Variants in PCDHGC3 observed in about 807,000 individuals in gnomAD.
The protein encoded by PCDHGC3 is protocadherin gamma-C3.
A neutral mutation model predicts 59.2 loss-of-function variants in PCDHGC3; 26 were observed. That is an observed-to-expected ratio of 0.44 (90% confidence interval 0.32 to 0.61). The LOEUF (loss-of-function observed/expected upper bound fraction) is 0.61. PCDHGC3 is among the 20% of genes least tolerant of loss of function. The pLI is 0.05. For missense variants in PCDHGC3, 1,080 were observed against 1,221.8 expected (o/e 0.88, Z 1.73); for synonymous variants, 487 against 519.7 (o/e 0.94, Z 0.86).
At chr5:141,507,557 C>T (rs959957585) in intron 3 of PCDHGC3, among the ~76,000 whole-genome samples, 5 of 152,250 alleles carry the variant, frequency 3.3e-5, no homozygotes, top group Middle Eastern at 3.4e-3. Flanking sequence ...AAGTGGCAGG[C>T]GGCTGGGTCT....
In PCDHGC3 at chr5:141,487,579, A is replaced by G. The variant is rs779441421; in HGVS notation, c.2431-7228A>G. 60 of 1,614,022 alleles carry G rather than the reference A, an allele frequency of 3.7e-5. No homozygotes were observed. The South Asian group carries it at 6.0e-4, about 16-fold the overall frequency. The stretch of plus-strand genomic sequence containing the variant: ...CTATGGCAGGGGAGCCTGTTCGCCC[A>G]AGCTGCCCACCCTCTGATCTTCTCT... On this transcript the variant is annotated intron_variant, in intron 1 of 3. Transcript: ENST00000308177. This position sits in a 1 kb window ranked among gnomAD's most constrained non-coding sequence, Gnocchi z 5.0.
Position 141,489,600 on chromosome 5 carries a change from G to A in PCDHGC3, c.2431-5207G>A, listed in dbSNP as rs1407225048. 8.1e-6 allele frequency: 13 copies of A among 1,614,034 alleles called. No homozygotes were observed. Among genetic ancestry groups the A allele is most frequent in the Non-Finnish European group, 1.1e-5 (13 of 1,179,962 alleles). ...ACCCCCTGGAGCTAATCCGTGTAGA[G>A]GTAGAGATCCTGGATCTCAATGACA... On this transcript the variant is annotated intron_variant, in intron 1 of 3. Transcript: ENST00000308177. This position sits in a 1 kb window ranked among gnomAD's most constrained non-coding sequence, Gnocchi z 4.5.
Position 141,476,793 on chromosome 5 carries a change from C to T in PCDHGC3, c.677C>T (p.Ala226Val), listed in dbSNP as rs754785656. ...GACGGAGGGACCCCAGCTCTCTCCG[C>T]CAGCCTGCCTATTCACATCAAGGTG... ...ALDGGTPALSASLPIHIKVLD... is the reference protein window; with the variant it reads ...ALDGGTPALSVSLPIHIKVLD... Residue 226 changes from alanine (A) to valine (V), a missense_variant, in exon 1 of 4, where the codon GCC becomes GTC. Transcript: ENST00000308177. The surrounding 1 kb of genome is among the most constrained non-coding windows in gnomAD (Gnocchi z 7.6). 1.2e-6 allele frequency: 2 copies of T among 1,613,642 alleles called. No homozygotes were observed. The highest frequency in any genetic ancestry group is 2.2e-5 in the East Asian group (1 of 44,868).
intron 2 of PCDHGC3, among the ~76,000 whole-genome samples, chr5:141,497,543 T>C (rs896069181): frequency 4.7e-5 from 7 of 149,068 alleles, no homozygotes; most frequent in Non-Finnish European, 9.0e-5. Context: ...AACAAACCTT[T>C]TTTTTTTTTT....
At chr5:141,506,649 T>C (rs1487823663) in intron 3 of PCDHGC3, among the ~76,000 whole-genome samples, 1 of 152,114 alleles carries the variant, frequency 6.6e-6, no homozygotes, top group Admixed American at 6.6e-5. Context: ...CAGCACAGGA[T>C]TGGCAGAGAG....
chr5:141,502,679 T>C (rs943238781), intron 2 of PCDHGC3, among the ~76,000 whole-genome samples: 1 of 152,236 alleles, frequency 6.6e-6, no homozygotes, highest in Non-Finnish European at 1.5e-5. Flanking sequence ...TAGTATTCCC[T>C]GATGATCCTT....
rs1256615029 is a variant in PCDHGC3 at position 141,512,740 on chromosome 5, C to T, written c.*1567C>T. ...GCGGGTGGGCAGCGGGCGGCGGGCT[C>T]CGCGCAGCCGTCTGTCCTTGATCTG... On this transcript the variant is annotated 3_prime_UTR_variant, in exon 4 of 4. Transcript: ENST00000308177. 1 of 152,788 alleles carries T rather than the reference C, an allele frequency of 6.5e-6. No individual in the cohort carries two copies. The highest frequency in any genetic ancestry group is 1.5e-5 in the Non-Finnish European group (1 of 68,570). The allele number at this position is 152,788 out of a possible 1,614,324, so 9.5% of individuals were successfully genotyped here.
At chr5:141,504,452 T>C (rs1208972630) in intron 2 of PCDHGC3, among the ~76,000 whole-genome samples, 1 of 152,060 alleles carries the variant, frequency 6.6e-6, no homozygotes, top group Non-Finnish European at 1.5e-5. Flanking sequence ...TAGTGCCATG[T>C]GGGGCAGCCG....
chr5:141,484,697 T>C (rs746981788), intron 1 of PCDHGC3, among the ~76,000 whole-genome samples: 11 of 151,988 alleles, frequency 7.2e-5, no homozygotes, highest in Non-Finnish European at 1.3e-4. Context: ...AGGCTGTGGC[T>C]GTTTTCCCCG....
At chr5:141,501,290 TACACACACACACACACACACACACAC>T (rs55762287) in intron 2 of PCDHGC3, among the ~76,000 whole-genome samples, 1 of 136,164 alleles carries the variant, frequency 7.3e-6, no homozygotes, top group Non-Finnish European at 1.6e-5. Flanking sequence ...TATTCCCTTA[TACACACACACACACACACACACACAC>T]ACACACACAC....
At position 141,489,786 on chromosome 5, in the gene PCDHGC3, G is replaced by A. The variant is rs758119518; in HGVS notation, c.2431-5021G>A. 8.7e-6 allele frequency: 14 copies of A among 1,614,194 alleles called. No individual in the cohort carries two copies. Among genetic ancestry groups the A allele is most frequent in the Non-Finnish European group, 1.2e-5 (14 of 1,180,014 alleles). ...CCAACAGCCACTTCTCTCTGAATGTGAAGACCCTAAAAGATGGGAAGCCAT... is the reference window on the plus strand; with the variant it reads ...CCAACAGCCACTTCTCTCTGAATGTAAAGACCCTAAAAGATGGGAAGCCAT... On this transcript the variant is annotated intron_variant, in intron 1 of 3. Transcript: ENST00000308177. This position sits in a 1 kb window ranked among gnomAD's most constrained non-coding sequence, Gnocchi z 4.5.
chr5:141,481,096 T>C (rs1162625304), intron 1 of PCDHGC3, among the ~76,000 whole-genome samples: 2 of 152,150 alleles, frequency 1.3e-5, no homozygotes, highest in East Asian at 1.9e-4. Flanking sequence ...AAAGCAGTAC[T>C]CTGGAACCTA....
Position 141,478,565 on chromosome 5 carries a change from T to C in PCDHGC3, c.2430+19T>C, listed in dbSNP as rs772519746. 1.6e-5 allele frequency: 25 copies of C among 1,593,862 alleles called. No individual in the cohort carries two copies. Among genetic ancestry groups the C allele is most frequent in the Non-Finnish European group, 2.0e-5 (23 of 1,169,576 alleles). On this transcript the variant is annotated intron_variant, in intron 1 of 3. Coordinates refer to ENST00000308177, the MANE Select transcript of PCDHGC3 (RefSeq NM_002588.4). ...CGGACAGGTAAGGTTTAGCAAGTCA[T>C]GCTTGACCCTGTTAGTGCTTTTTTA...
chr5:141,478,718 C>T, intron 1 of PCDHGC3, 172 bp downstream of exon 1: 1 of 1,544,994 alleles, frequency 6.5e-7, no homozygotes, highest in East Asian at 2.4e-5. Context: ...AGATGGTGGC[C>T]TGCCAGAGTG....
chr5:141,504,077 G>A (rs939470644), intron 2 of PCDHGC3, among the ~76,000 whole-genome samples: 3 of 152,124 alleles, frequency 2.0e-5, no homozygotes, highest in Non-Finnish European at 2.9e-5. Context: ...GCCAGATGGT[G>A]CCAAACAGTT....
At chr5:141,509,777 G>A (rs1244876699) in intron 3 of PCDHGC3, among the ~76,000 whole-genome samples, 1 of 152,100 alleles carries the variant, frequency 6.6e-6, no homozygotes, top group Non-Finnish European at 1.5e-5. Flanking sequence ...TCTAGTCCCC[G>A]AGATCATCAT....
rs2099621975 is a variant in PCDHGC3 at position 141,485,946 on chromosome 5, G to A, written c.2430+7400G>A. ...AGTGTGTTGGAGAGCGCACCAGCGG[G>A]CATGGTGCTCATCCAGCTCAATGCC... On this transcript the variant is annotated intron_variant, in intron 1 of 3. Transcript: ENST00000308177. This position sits in a 1 kb window ranked among gnomAD's most constrained non-coding sequence, Gnocchi z 5.7. The A allele has an allele frequency of 1.2e-6, 2 of 1,614,040 alleles. No homozygotes were observed. The highest frequency in any genetic ancestry group is 2.2e-5 in the East Asian group (1 of 44,884).
At chr5:141,503,023 A>T (rs1163676028) in intron 2 of PCDHGC3, among the ~76,000 whole-genome samples, 1 of 141,884 alleles carries the variant, frequency 7.0e-6, no homozygotes, top group African/African-American at 2.6e-5. Context: ...TTTTTTTTTT[A>T]ATATCTATTT....
In PCDHGC3 at chr5:141,489,684, T is replaced by A; in HGVS notation, c.2431-5123T>A. 1 of 1,614,180 alleles carries A rather than the reference T, an allele frequency of 6.2e-7. No homozygotes were observed. Among genetic ancestry groups the A allele is most frequent in the South Asian group, 1.1e-5 (1 of 91,078 alleles). ...TGCGCATCTCAGAATCAGCAGCATC[T>A]GGGGCACGATTCCCACTGGACAGTG... On this transcript the variant is annotated intron_variant, in intron 1 of 3. Transcript: ENST00000308177. This position sits in a 1 kb window ranked among gnomAD's most constrained non-coding sequence, Gnocchi z 4.5.
Sources: gnomAD v4.1 joint callset for allele counts (sites outside exome capture counted in the v4.1 genomes callset) on GRCh38, gnomAD v4.1.1 for gene constraint, Gnocchi (gnomAD v3.1) non-coding constraint, MANE v1.5 for transcripts, NCBI Gene and HGNC (gene_info 2026-07-23, HGNC 2026-07-21) for gene names.